Variants in TUBGCP4 observed in about 807,000 individuals in gnomAD.
TUBGCP4 encodes tubulin gamma complex component 4.
In TUBGCP4, 54 loss-of-function variants were observed where a neutral mutation model predicts 91.6. The observed-to-expected ratio is 0.59, with a 90% CI of 0.47 to 0.74. TUBGCP4 has a LOEUF of 0.74. Ranked by LOEUF, TUBGCP4 falls within the 30% of genes least tolerant of loss-of-function variation. The pLI, the probability that TUBGCP4 is intolerant of heterozygous loss-of-function variation, is 0.00. For synonymous variants in TUBGCP4, 297 were observed against 302.8 expected, an observed-to-expected ratio of 0.98 and a Z score of 0.20; for missense variants, 593 against 800.9, an observed-to-expected ratio of 0.74 and a Z score of 3.13.
chr15:43,380,291 G>A (rs1396760924), intron 6 of TUBGCP4, 128 bp downstream of exon 6: 2 of 833,982 alleles, frequency 2.4e-6, no homozygotes, highest in Non-Finnish European at 1.9e-6. Flanking sequence ...GATAGAAAAA[G>A]CTCCATGAGC....
At chr15:43,400,375 T>G (rs893286231) in intron 14 of TUBGCP4, among the ~76,000 whole-genome samples, 154 bp downstream of exon 14, 6 of 151,778 alleles carry the variant, frequency 4.0e-5, no homozygotes, top group African/African-American at 1.5e-4. Flanking sequence ...TTTCTTAAAA[T>G]AAAAAAAGCA....
chr15:43,398,704 T>C (rs1423843996), intron 13 of TUBGCP4, among the ~76,000 whole-genome samples: 3 of 152,198 alleles, frequency 2.0e-5, no homozygotes, highest in Non-Finnish European at 4.4e-5. Context: ...CCCTCACTTT[T>C]GTAATATTTT....
chr15:43,397,561 T>C (rs2044602739), intron 12 of TUBGCP4, among the ~76,000 whole-genome samples: 2 of 152,066 alleles, frequency 1.3e-5, no homozygotes, highest in African/African-American at 4.8e-5. Context: ...GTCATGCTGC[T>C]GGAATGGTGC....
At chr15:43,391,530 C>T (rs1291761982) in intron 9 of TUBGCP4, 1 of 152,236 alleles carries the variant, frequency 6.6e-6, no homozygotes, top group Non-Finnish European at 1.5e-5. Context: ...TCATTTCTGA[C>T]CTGGGCCAAT....
chr15:43,407,487 G>A lies in TUBGCP4; in HGVS notation c.*2273G>A, dbSNP rs1201758182. ...ACCCACTCTTGTGACACCACAGGCAGCTGCAATGCTTCAGCACACTTCAGC... is the reference window on the plus strand; with the variant it reads ...ACCCACTCTTGTGACACCACAGGCAACTGCAATGCTTCAGCACACTTCAGC... On this transcript the variant is annotated 3_prime_UTR_variant, in exon 18 of 18. Coordinates refer to ENST00000564079, the MANE Select transcript of TUBGCP4 (RefSeq NM_014444.5). 6.2e-7 allele frequency: 1 copy of A among 1,614,200 alleles called. No individual in the cohort carries two copies. The highest frequency in any genetic ancestry group is 1.7e-5 in the Admixed American group (1 of 60,030).
In TUBGCP4 at chr15:43,395,678, A is replaced by T; in HGVS notation, c.1161A>T (p.Val387=). The T allele has an allele frequency of 6.2e-7, 1 of 1,613,484 alleles. No homozygotes were observed. Among genetic ancestry groups the T allele is most frequent in the Non-Finnish European group, 8.5e-7 (1 of 1,179,390 alleles). ...TGTTGAAAACACCACCCACTGCAGTAACTGAGCATGGTAATTGTCAGTGGC... is the reference window on the plus strand; with the variant it reads ...TGTTGAAAACACCACCCACTGCAGTTACTGAGCATGGTAATTGTCAGTGGC... ...QHMLKTPPTA[V]TEHDVNVAFQ... The change falls in exon 11 of 18, where the codon GTA becomes GTT. Residue 387 remains valine, a synonymous_variant. Transcript: ENST00000564079.
rs775237686 is a variant in TUBGCP4 at position 43,400,041 on chromosome 15, T to G, written c.1419-3T>G. 1 of 1,605,624 alleles carries G rather than the reference T, an allele frequency of 6.2e-7. No homozygotes were observed. Among genetic ancestry groups the G allele is most frequent in the Non-Finnish European group, 8.5e-7 (1 of 1,173,302 alleles). On this transcript the variant is annotated splice_region_variant and splice_polypyrimidine_tract_variant and intron_variant, in intron 13 of 17. Coordinates refer to ENST00000564079, the MANE Select transcript of TUBGCP4 (RefSeq NM_014444.5). ...CTTGAATATCCTGTTATTTCTGTCC[T>G]AGGTACAATGTTGTTTTTAAGTACT...
At chr15:43,378,415 A>G (rs1265555255) in intron 5 of TUBGCP4, among the ~76,000 whole-genome samples, 1 of 152,210 alleles carries the variant, frequency 6.6e-6, no homozygotes, top group Non-Finnish European at 1.5e-5. Context: ...AAGTCTGAGG[A>G]ATAAATGCTT....
chr15:43,372,790 C>G lies in TUBGCP4; in HGVS notation c.78+1358C>G, dbSNP rs570227155. 5.6e-3 allele frequency among the ~76,000 whole-genome samples: 858 copies of G among 152,344 alleles called. 6 individuals carry two copies. The highest frequency in any genetic ancestry group is 8.8e-3 in the Non-Finnish European group (602 of 68,036). ...TGAGCACATCTTTAAGCATCCTCCCCTGATGCCATTATTCTCCATCAACTT... is the reference window on the plus strand; with the variant it reads ...TGAGCACATCTTTAAGCATCCTCCCGTGATGCCATTATTCTCCATCAACTT... On this transcript the variant is annotated intron_variant, in intron 1 of 17. Transcript: ENST00000564079.
chr15:43,382,369 T>C (rs1227235579), intron 6 of TUBGCP4, among the ~76,000 whole-genome samples: 2 of 152,188 alleles, frequency 1.3e-5, no homozygotes, highest in Non-Finnish European at 2.9e-5. Flanking sequence ...ATAGCTGTTC[T>C]TTTTTTGCAA....
At chr15:43,375,619 A>C (rs77581261) in intron 1 of TUBGCP4, among the ~76,000 whole-genome samples, 1 of 152,332 alleles carries the variant, frequency 6.6e-6, no homozygotes, top group African/African-American at 2.4e-5. Flanking sequence ...AGGTATGCTT[A>C]ATTTTAGATT....
Position 43,383,346 on chromosome 15 carries a change from G to C in TUBGCP4, c.565G>C (p.Ala189Pro). Reference sequence around the variant, plus strand: ...TGGGGTCATGTATAAACAGCTCTCAGCCTGGATGCTCCATGGACTCCTCTT... The same window carrying C: ...TGGGGTCATGTATAAACAGCTCTCACCCTGGATGCTCCATGGACTCCTCTT... ...CHGVMYKQLS[A>P]WMLHGLLLDQ... is the part of the protein sequence containing the mutation. Residue 189 changes from alanine (A) to proline (P), a missense_variant, in exon 7 of 18, where the codon GCC becomes CCC. Physicochemically the swap from Ala to Pro is conservative, Grantham distance 27. Transcript: ENST00000564079. 2 of 1,614,146 alleles carry C rather than the reference G, an allele frequency of 1.2e-6. No individual in the cohort carries two copies. Among genetic ancestry groups the C allele is most frequent in the Non-Finnish European group, 1.7e-6 (2 of 1,180,016 alleles).
At chr15:43,383,095 C>T (rs1437331378) in intron 6 of TUBGCP4, among the ~76,000 whole-genome samples, 2 of 152,120 alleles carry the variant, frequency 1.3e-5, no homozygotes, top group Non-Finnish European at 2.9e-5. Context: ...AATATCAGCA[C>T]ATATACTGAA....
chr15:43,377,221 T>A (rs563402434), intron 4 of TUBGCP4, among the ~76,000 whole-genome samples, 154 bp downstream of exon 4: 1 of 152,370 alleles, frequency 6.6e-6, no homozygotes, highest in African/African-American at 2.4e-5. Context: ...AGATCAAAAC[T>A]GTTTAAAGAT....
chr15:43,384,689 T>G (rs2044329979), intron 7 of TUBGCP4, among the ~76,000 whole-genome samples: 2 of 152,194 alleles, frequency 1.3e-5, no homozygotes, highest in Admixed American at 6.5e-5. Context: ...CAAAGGTGCA[T>G]GTAAACAGTG....
rs374968939 is a variant in TUBGCP4, at chr15:43,407,343, C to A, written c.*2129C>A. 5.3e-4 allele frequency: 834 copies of A among 1,586,522 alleles called. No individual in the cohort carries two copies. Among genetic ancestry groups the A allele is most frequent in the Non-Finnish European group, 6.8e-4 (787 of 1,157,660 alleles). On this transcript the variant is annotated 3_prime_UTR_variant, in exon 18 of 18. Coordinates refer to ENST00000564079, the MANE Select transcript of TUBGCP4 (RefSeq NM_014444.5). Reference sequence around the variant, plus strand: ...TTAAAACCTGGTTAAAACACAATCTCCACGATAGCAGGGAATAAAACCAGT... The same window carrying A: ...TTAAAACCTGGTTAAAACACAATCTACACGATAGCAGGGAATAAAACCAGT...
chr15:43,394,469 G>T (rs996310507), intron 9 of TUBGCP4: 2 of 152,098 alleles, frequency 1.3e-5, no homozygotes, highest in Admixed American at 1.3e-4. Flanking sequence ...TATGGATCAT[G>T]TTTTTGGTGT....
intron 4 of TUBGCP4, 21 bp downstream of exon 4, chr15:43,377,088 A>G: frequency 6.3e-7 from 1 of 1,590,790 alleles, no homozygotes; most frequent in Non-Finnish European, 8.6e-7. Context: ...CAAATAACCA[A>G]ATGCCTTGCA....
Position 43,409,305 on chromosome 15 carries a change from T to A in TUBGCP4, c.*4091T>A. ...TCTCTCTGCCTCACCTGCAGCATAC[T>A]GAGGACCTAAATCCTCAACGGACAA... On this transcript the variant is annotated 3_prime_UTR_variant, in exon 18 of 18. Coordinates refer to ENST00000564079, the MANE Select transcript of TUBGCP4 (RefSeq NM_014444.5). 1.7e-6 allele frequency: 1 copy of A among 600,348 alleles called. No homozygotes were observed. The highest frequency in any genetic ancestry group is 2.1e-5 in the South Asian group (1 of 48,596). The allele number at this position is 600,348 out of a possible 1,614,324, so 37.2% of individuals were successfully genotyped here.
Sources: gnomAD v4.1 joint callset for allele counts (sites outside exome capture counted in the v4.1 genomes callset) on GRCh38, gnomAD v4.1.1 for gene constraint, MANE v1.5 for transcripts, NCBI Gene and HGNC (gene_info 2026-07-23, HGNC 2026-07-21) for gene names.